Variants in NTS observed in about 807,000 individuals in gnomAD.
The protein encoded by NTS is neurotensin/neuromedin N.
In NTS, 20 loss-of-function variants were observed where a neutral mutation model predicts 19.5. That is an observed-to-expected ratio of 1.02 (90% CI 0.72 to 1.49). The LOEUF (loss-of-function observed/expected upper bound fraction) is 1.49. Ranked by LOEUF, NTS falls within the 40% of genes most tolerant of loss-of-function variation. The pLI is 0.00. For synonymous variants in NTS, 71 were observed against 63.3 expected (o/e 1.12, Z -0.58); for missense variants, 215 against 193.1 (o/e 1.11, Z -0.67).
Position 85,876,140 on chromosome 12 carries a change from AC to A in NTS, c.74-499del, listed in dbSNP as rs201144062. Among the ~76,000 whole-genome samples the A allele has an allele frequency of 7.8e-3, 1,183 of 152,116 alleles. 14 individuals are homozygous for A. Among genetic ancestry groups the A allele is most frequent in the African/African-American group, 0.027 (1,132 of 41,552 alleles). ...TCTTTCAACGTGTGTTTTGTAAAAA[AC>A]ATCTCAAGTTAAGTAAACCTCAGTA... On this transcript the variant is annotated intron_variant, in intron 1 of 3. Coordinates refer to ENST00000256010, the MANE Select transcript of NTS (RefSeq NM_006183.5).
Position 85,878,512 on chromosome 12 carries a change from GT to G in NTS, c.305del (p.Leu102Ter). 1 of 1,613,806 alleles carries G rather than the reference GT, an allele frequency of 6.2e-7. No homozygotes were observed. On this transcript the variant is annotated frameshift_variant, in exon 3 of 4. Coordinates refer to ENST00000256010, the MANE Select transcript of NTS (RefSeq NM_006183.5). LOFTEE classifies it high-confidence loss of function. ...TAGATGGCTTTAGCTTGGAAGCAAT[GT>G]TGACAATATACCAGCTCCACAAAAT... ...ALDGFSLEAM[L>X]TIYQLHKICH...
intron 3 of NTS, among the ~76,000 whole-genome samples, chr12:85,880,154 G>A (rs896800864): frequency 9.9e-5 from 15 of 151,492 alleles, no homozygotes; most frequent in Non-Finnish European, 2.2e-4. Flanking sequence ...GAAACCTTTC[G>A]GTTCTGTGTT....
At chr12:85,876,937 C>T (rs2136590036) in intron 2 of NTS, among the ~76,000 whole-genome samples, 1 of 152,000 alleles carries the variant, frequency 6.6e-6, no homozygotes, top group South Asian at 2.1e-4. Context: ...TTAATTGCCA[C>T]ACATATTTAC....
rs573075126 is a variant in NTS, at chr12:85,879,055, AT to A, written c.360+491del. On this transcript the variant is annotated intron_variant, in intron 3 of 3. Transcript: ENST00000256010. ...ATATATTTTTATGTACATAAAATAT[AT>A]TTTTATGTATATTTTAATGTACATA... Among the ~76,000 whole-genome samples, 507 of 137,282 alleles carry A rather than the reference AT, an allele frequency of 3.7e-3. 19 individuals carry two copies. The highest frequency in any genetic ancestry group is 0.012 in the African/African-American group (479 of 38,986). The allele number at this position is 137,282 out of a possible 152,430, so 90.1% of individuals were successfully genotyped here. A position where few individuals can be genotyped will look rare whatever the true frequency, so the allele number is the denominator to read the frequency against.
At chr12:85,881,566 C>T (rs759410389) in intron 3 of NTS, among the ~76,000 whole-genome samples, 4 of 152,022 alleles carry the variant, frequency 2.6e-5, no homozygotes, top group Non-Finnish European at 5.9e-5. Context: ...TGCTTAACTC[C>T]CTTAAGTTAT....
In NTS at chr12:85,882,444, G is replaced by A; in HGVS notation, c.*69G>A. ...CTTAATTAAATATCAAATTATATTT[G>A]TGTGAAAATGTGACAAACACACTTA... On this transcript the variant is annotated 3_prime_UTR_variant, in exon 4 of 4. Transcript: ENST00000256010. 2 of 1,215,860 alleles carry A rather than the reference G, an allele frequency of 1.6e-6. No homozygotes were observed. The highest frequency in any genetic ancestry group is 2.3e-6 in the Non-Finnish European group (2 of 876,606). 75.3% of individuals were successfully genotyped at this position (1,215,860 alleles called of 1,614,324 possible).
chr12:85,875,294 G>C (rs1340373147), intron 1 of NTS, among the ~76,000 whole-genome samples: 1 of 151,978 alleles, frequency 6.6e-6, no homozygotes, highest in South Asian at 2.1e-4. Context: ...CATTGCAAAA[G>C]GCTCTACTTA....
chr12:85,880,877 G>A (rs1020034889), intron 3 of NTS, among the ~76,000 whole-genome samples: 3 of 152,246 alleles, frequency 2.0e-5, no homozygotes, highest in Admixed American at 1.3e-4. Flanking sequence ...GCCTGAACCC[G>A]AGAGGTGGAG....
At chr12:85,875,975 TA>T (rs1881332250) in intron 1 of NTS, among the ~76,000 whole-genome samples, 1 of 152,002 alleles carries the variant, frequency 6.6e-6, no homozygotes, top group Admixed American at 6.6e-5. Context: ...TAGAGTTTTT[TA>T]AAAATCCAGA....
rs114892056 is a variant in NTS at position 85,874,896 on chromosome 12, C to G, written c.73+420C>G. On this transcript the variant is annotated intron_variant, in intron 1 of 3. Transcript: ENST00000256010. Reference sequence around the variant, plus strand: ...CATTCTCTTAGGAAGCGGTGGCCCTCACGCCCTTGTAATAGTCCCCGTATT... The same window carrying G: ...CATTCTCTTAGGAAGCGGTGGCCCTGACGCCCTTGTAATAGTCCCCGTATT... Among the ~76,000 whole-genome samples, 134 of 152,274 alleles carry G rather than the reference C, an allele frequency of 8.8e-4. 1 individual carries two copies. Among genetic ancestry groups the G allele is most frequent in the African/African-American group, 3.2e-3 (131 of 41,540 alleles).
intron 3 of NTS, 124 bp from the exon 4 acceptor site, chr12:85,882,099 A>G (rs1881515095): frequency 2.8e-6 from 2 of 707,520 alleles, no homozygotes; most frequent in African/African-American, 1.9e-5. Context: ...AACTTCATGT[A>G]TCTCGTATCT....
chr12:85,878,307 C>A, intron 2 of NTS, 38 bp from the exon 3 acceptor site: 1 of 1,447,186 alleles, frequency 6.9e-7, no homozygotes, highest in Non-Finnish European at 9.4e-7. Flanking sequence ...TCATGTAACA[C>A]AAGTTTTAAT....
At chr12:85,874,515 T>TC (rs1259748144) in intron 1 of NTS, 39 bp downstream of exon 1, 10 of 1,394,256 alleles carry the variant, frequency 7.2e-6, no homozygotes, top group Non-Finnish European at 1.0e-5. Flanking sequence ...TGAAGTGATT[T>TC]CTTTTTTCTC....
chr12:85,880,456 G>T (rs1222852625), intron 3 of NTS, among the ~76,000 whole-genome samples: 1 of 152,084 alleles, frequency 6.6e-6, no homozygotes, highest in Non-Finnish European at 1.5e-5. Flanking sequence ...GGGGATCTGA[G>T]GGTGTCTTCC....
At chr12:85,878,617 C>A in intron 3 of NTS, 48 bp downstream of exon 3, 2 of 1,070,122 alleles carry the variant, frequency 1.9e-6, no homozygotes, top group Non-Finnish European at 1.3e-6. Context: ...CACTAGTTAG[C>A]TCTCATTTAT....
At chr12:85,880,201 T>C (rs993829564) in intron 3 of NTS, among the ~76,000 whole-genome samples, 8 of 152,064 alleles carry the variant, frequency 5.3e-5, no homozygotes, top group Admixed American at 4.6e-4. Context: ...TGTGTAATAA[T>C]GTACTTGCAA....
rs544515780 is a variant in NTS at position 85,877,141 on chromosome 12, A to G, written c.135+440A>G. ...AACCTGCAAAAGAAATGTAGTATAG[A>G]GGGGATAGCAATGGACTGGTAAGCA... On this transcript the variant is annotated intron_variant, in intron 2 of 3. Coordinates refer to ENST00000256010, the MANE Select transcript of NTS (RefSeq NM_006183.5). Among the ~76,000 whole-genome samples the G allele has an allele frequency of 3.9e-5, 6 of 152,258 alleles. No homozygotes were observed. The South Asian group carries it at 1.2e-3, about 32-fold the overall frequency.
chr12:85,882,025 C>T (rs1277385695), intron 3 of NTS, among the ~76,000 whole-genome samples, 198 bp from the exon 4 acceptor site: 1 of 151,422 alleles, frequency 6.6e-6, no homozygotes, highest in Non-Finnish European at 1.5e-5. Flanking sequence ...GTCAGAATTA[C>T]CATGTTCTTA....
rs1348878346 is a variant in NTS at position 85,878,327 on chromosome 12, T to A, written c.136-18T>A. ...TAACACAAGTTTTAATTGCAGGGGT[T>A]TTTTTAATATATTTCAGATTAGTAA... On this transcript the variant is annotated intron_variant, in intron 2 of 3. Transcript: ENST00000256010. 1 of 1,537,972 alleles carries A rather than the reference T, an allele frequency of 6.5e-7. No individual in the cohort carries two copies. The highest frequency in any genetic ancestry group is 2.0e-5 in the Admixed American group (1 of 50,900).
Sources: gnomAD v4.1 joint callset for allele counts (sites outside exome capture counted in the v4.1 genomes callset) on GRCh38, gnomAD v4.1.1 for gene constraint, MANE v1.5 for transcripts, NCBI Gene and HGNC (gene_info 2026-07-23, HGNC 2026-07-21) for gene names.